The following ZNF365 variants were observed in gnomAD, a reference collection of about 807,000 sequenced individuals.
ZNF365 encodes the protein protein ZNF365.
ZNF365 carries 22 observed loss-of-function variants against 35.0 expected under a neutral mutation model. That is an observed-to-expected ratio of 0.63 (90% CI 0.45 to 0.90). The LOEUF (loss-of-function observed/expected upper bound fraction) is 0.90, where lower values mean the gene tolerates loss of function less well. Ranked by LOEUF, ZNF365 falls within the 40% of genes least tolerant of loss-of-function variation. The pLI, the probability that ZNF365 is intolerant of heterozygous loss-of-function variation, is 0.00. For missense variants in ZNF365, 448 were observed against 500.3 expected (o/e 0.90, Z 1.00); for synonymous variants, 188 against 196.2 (o/e 0.96, Z 0.35).
intron 2 of ZNF365, among the ~76,000 whole-genome samples, chr10:62,387,779 C>T (rs1390421559): frequency 6.6e-6 from 1 of 152,166 alleles, no homozygotes; most frequent in Non-Finnish European, 1.5e-5. Context: ...TGGTGCTCAG[C>T]TCGGCCTCTT....
chr10:62,449,958 G>A (rs1840652408), intron 3 of ZNF365, among the ~76,000 whole-genome samples: 1 of 152,028 alleles, frequency 6.6e-6, no homozygotes, highest in Non-Finnish European at 1.5e-5. Context: ...TTCCAGTTCA[G>A]ATAATTCAAA....
Position 62,479,884 on chromosome 10 carries a change from G to A in ZNF365, c.990G>A (p.Ala330=), listed in dbSNP as rs375476481. ...TTGGCTTTTATGACTAGGAGTCTGC[G>A]ATTGTGGAATAATGAACTTCGAATG... Residue 330 remains alanine (A), a synonymous_variant, in exon 5 of 5, where the codon GCG becomes GCA. Coordinates refer to the ZNF365 transcript ENST00000395255. The A allele has an allele frequency of 2.6e-5, 42 of 1,612,740 alleles. 1 individual carries two copies. The highest frequency in any genetic ancestry group is 4.5e-5 in the East Asian group (2 of 44,842).
At position 62,438,722 on chromosome 10, in the gene ZNF365, G is replaced by A. The variant is rs528343058; in HGVS notation, c.925-21019G>A. Reference sequence around the variant, plus strand: ...TCAGAGGCACACTGTGCCTTACTCCGGGTGCTTTCCACTTGAATAGATTCT... The same window carrying A: ...TCAGAGGCACACTGTGCCTTACTCCAGGTGCTTTCCACTTGAATAGATTCT... On this transcript the variant is annotated intron_variant, in intron 3 of 4. Transcript: ENST00000395255. 1.2e-4 allele frequency among the ~76,000 whole-genome samples: 18 copies of A among 152,248 alleles called. No homozygotes were observed. The South Asian group carries it at 1.2e-3, about 11-fold the overall frequency.
Position 62,475,001 on chromosome 10 carries a change from G to A in ZNF365, c.982-4875G>A, listed in dbSNP as rs183276612. Reference sequence around the variant, plus strand: ...AGTAAGCGGTTTCCTTTTGGACAATGCCTCTTGGGCTATGCACCTGACAAG... The same window carrying A: ...AGTAAGCGGTTTCCTTTTGGACAATACCTCTTGGGCTATGCACCTGACAAG... On this transcript the variant is annotated intron_variant, in intron 4 of 4. Coordinates refer to the ZNF365 transcript ENST00000395255. 5.9e-5 allele frequency among the ~76,000 whole-genome samples: 9 copies of A among 152,276 alleles called. No homozygotes were observed. The East Asian group carries it at 1.7e-3, about 29-fold the overall frequency.
chr10:62,456,935 T>C (rs953577146), intron 3 of ZNF365, among the ~76,000 whole-genome samples: 6 of 152,110 alleles, frequency 3.9e-5, no homozygotes, highest in Non-Finnish European at 7.4e-5. Flanking sequence ...ATGATCTAGA[T>C]TGGGCTTGTT....
intron 4 of ZNF365, among the ~76,000 whole-genome samples, chr10:62,466,969 T>C (rs1328185767): frequency 1.3e-5 from 2 of 152,102 alleles, no homozygotes; most frequent in East Asian, 1.9e-4. Flanking sequence ...ACCTGGCTAA[T>C]TTTTGTATTT....
chr10:62,470,032 A>G (rs766343284), intron 4 of ZNF365, among the ~76,000 whole-genome samples: 4 of 152,208 alleles, frequency 2.6e-5, no homozygotes, highest in Non-Finnish European at 5.9e-5. Flanking sequence ...TTAATATATG[A>G]TAGTTCCAAT....
intron 3 of ZNF365, among the ~76,000 whole-genome samples, chr10:62,430,342 G>A (rs963971845): frequency 2.7e-5 from 4 of 148,026 alleles, no homozygotes; most frequent in East Asian, 4.0e-4. Context: ...CACCACGCCC[G>A]GCTAATTTTT....
downstream of ZNF365, among the ~76,000 whole-genome samples, chr10:62,406,387 C>A (rs1480506359): frequency 2.6e-5 from 4 of 152,048 alleles, no homozygotes; most frequent in East Asian, 5.8e-4. Context: ...TCTAGGTGCC[C>A]CTTTATAATA....
chr10:62,423,229 C>T (rs1840201379), intron 3 of ZNF365, among the ~76,000 whole-genome samples: 1 of 149,126 alleles, frequency 6.7e-6, no homozygotes, highest in Admixed American at 6.7e-5. Context: ...AAAAAAACTC[C>T]AGGAGTTCTA....
chr10:62,447,757 C>T (rs748658225), intron 3 of ZNF365, among the ~76,000 whole-genome samples: 7 of 152,182 alleles, frequency 4.6e-5, no homozygotes, highest in African/African-American at 1.4e-4. Flanking sequence ...CTGCTCCCTC[C>T]TCTAACATGT....
intron 3 of ZNF365, among the ~76,000 whole-genome samples, chr10:62,427,589 T>C (rs928195755): frequency 1.3e-5 from 2 of 152,216 alleles, no homozygotes; most frequent in South Asian, 4.1e-4. Context: ...TATGCTGTTG[T>C]AGAAAGAAAA....
intron 3 of ZNF365, among the ~76,000 whole-genome samples, chr10:62,436,936 A>G (rs1840417137): frequency 6.6e-6 from 1 of 152,134 alleles, no homozygotes; most frequent in Non-Finnish European, 1.5e-5. Flanking sequence ...GCACACACAC[A>G]CACCAAGCAT....
In ZNF365 at chr10:62,376,422, T is replaced by C; in HGVS notation, c.229T>C (p.Ser77Pro). Residue 77 changes from serine (S) to proline (P), a missense_variant, in exon 2 of 5, where the codon TCA becomes CCA. Ser to Pro is a moderately conservative substitution (Grantham distance 74). Transcript: ENST00000395254. ...CAAAGACACAGACCTAGTCACTTCC[T>C]CAGAACTCCTGAAACCGGGAAAATT... is the stretch of plus-strand genomic sequence containing the variant. ...SLKDTDLVTS[S>P]ELLKPGKLQS... is the part of the protein sequence containing the mutation. 1 of 1,614,148 alleles carries C rather than the reference T, an allele frequency of 6.2e-7. No homozygotes were observed. The highest frequency in any genetic ancestry group is 8.5e-7 in the Non-Finnish European group (1 of 1,180,036).
chr10:62,426,047 C>T (rs1840246232), intron 3 of ZNF365, among the ~76,000 whole-genome samples: 2 of 152,108 alleles, frequency 1.3e-5, no homozygotes, highest in African/African-American at 4.8e-5. Context: ...TTTAATCCCT[C>T]CCTATATGTT....
intron 3 of ZNF365, among the ~76,000 whole-genome samples, chr10:62,397,181 T>G (rs767224870): frequency 1.3e-5 from 2 of 152,218 alleles, no homozygotes; most frequent in Non-Finnish European, 2.9e-5. Context: ...AAACCTAGCC[T>G]GCATGAGCAG....
intron 3 of ZNF365, among the ~76,000 whole-genome samples, chr10:62,413,323 C>T (rs749815631): frequency 7.9e-5 from 12 of 151,984 alleles, no homozygotes; most frequent in African/African-American, 2.7e-4. Flanking sequence ...TTCAGCATTA[C>T]GACAATGAAA....
chr10:62,407,736 T>C (rs894653475), intron 3 of ZNF365, among the ~76,000 whole-genome samples: 1 of 152,232 alleles, frequency 6.6e-6, no homozygotes, highest in Non-Finnish European at 1.5e-5. Flanking sequence ...GGTATTTTAA[T>C]ACTCTCCTTC....
intron 3 of ZNF365, among the ~76,000 whole-genome samples, chr10:62,397,652 T>C (rs1839753740): frequency 6.6e-6 from 1 of 152,230 alleles, no homozygotes; most frequent in Admixed American, 6.5e-5. Context: ...AGATATTTTA[T>C]TGCATGAGTT....
Sources: allele counts gnomAD v4.1 joint callset (sites outside exome capture counted in the v4.1 genomes callset), GRCh38; gene constraint gnomAD v4.1.1; transcripts MANE v1.5; gene names NCBI Gene and HGNC (gene_info 2026-07-23, HGNC 2026-07-21).